Variants in ATRNL1 observed in about 807,000 individuals in gnomAD.
The protein encoded by ATRNL1 is attractin like 1, also known as attractin-like protein 1.
In ATRNL1, 95 loss-of-function variants were observed where a neutral mutation model predicts 182.7. The observed-to-expected ratio is 0.52, with a 90% CI of 0.44 to 0.62. ATRNL1 has a LOEUF of 0.62. Ranked by LOEUF, ATRNL1 falls within the 20% of genes least tolerant of loss-of-function variation. The pLI is 0.00. For synonymous variants in ATRNL1, 576 were observed against 568.3 expected (o/e 1.01, Z -0.19); for missense variants, 1,471 against 1,679.5 (o/e 0.88, Z 2.17).
intron 8 of ATRNL1, among the ~76,000 whole-genome samples, chr10:115,213,647 C>G (rs903176687): frequency 1.3e-5 from 2 of 150,648 alleles, no homozygotes; most frequent in Non-Finnish European, 2.9e-5. Context: ...AAAAATCAGT[C>G]TACACTATCT....
chr10:115,786,037 G>T (rs782456317), intron 27 of ATRNL1, among the ~76,000 whole-genome samples: 27 of 152,110 alleles, frequency 1.8e-4, no homozygotes, highest in Non-Finnish European at 3.5e-4. Flanking sequence ...TTCTGTTCAT[G>T]ACAATTTATA....
At chr10:115,486,502 G>A (rs1199550712) in intron 24 of ATRNL1, among the ~76,000 whole-genome samples, 1 of 152,156 alleles carries the variant, frequency 6.6e-6, no homozygotes, top group African/African-American at 2.4e-5. Flanking sequence ...CACCGGTGAT[G>A]ATGAGCTTTT....
rs782330870 is a variant in ATRNL1 at position 115,553,415 on chromosome 10, GTTTT to G, written c.3795+3883_3795+3886del. Among the ~76,000 whole-genome samples the G allele has an allele frequency of 2.6e-5, 4 of 151,256 alleles. No homozygotes were observed. The East Asian group carries it at 5.8e-4, about 22-fold the overall frequency. ...CATTTTTAATTCTTGTAAATTTACA[GTTTT>G]TTTAAGTTTAAAAATATTTTAATGT... On this transcript the variant is annotated intron_variant, in intron 26 of 28. Coordinates refer to ENST00000355044, the MANE Select transcript of ATRNL1 (RefSeq NM_207303.4).
chr10:115,184,540 A>G (rs1441216798), intron 8 of ATRNL1, among the ~76,000 whole-genome samples: 2 of 151,736 alleles, frequency 1.3e-5, no homozygotes, highest in African/African-American at 4.8e-5. Flanking sequence ...AGCAAAAATG[A>G]ACACAGGAAA....
intron 19 of ATRNL1, among the ~76,000 whole-genome samples, chr10:115,393,685 ATTG>A (rs1359358826): frequency 6.6e-6 from 1 of 152,150 alleles, no homozygotes; most frequent in African/African-American, 2.4e-5. Flanking sequence ...ATGTGATTAT[ATTG>A]TTGTCAGTAA....
chr10:115,846,488 A>C (rs1407691647), intron 27 of ATRNL1, among the ~76,000 whole-genome samples: 1 of 152,102 alleles, frequency 6.6e-6, no homozygotes, highest in African/African-American at 2.4e-5. Context: ...TCAGTGAAAA[A>C]AACCTGAACA....
At chr10:115,943,106 C>T (rs1953777070) in intron 28 of ATRNL1, among the ~76,000 whole-genome samples, 1 of 152,208 alleles carries the variant, frequency 6.6e-6, no homozygotes, top group South Asian at 2.1e-4. Context: ...AGGTCCTTTT[C>T]TAGTACTTAA....
At chr10:115,489,191 T>C (rs1554975895) in intron 24 of ATRNL1, among the ~76,000 whole-genome samples, 1 of 152,224 alleles carries the variant, frequency 6.6e-6, no homozygotes, top group Non-Finnish European at 1.5e-5. Flanking sequence ...CTGAGAAGAA[T>C]GTATATTCTG....
intron 28 of ATRNL1, among the ~76,000 whole-genome samples, chr10:115,935,471 T>C (rs184346530): frequency 7.5e-4 from 114 of 152,318 alleles, no homozygotes; most frequent in Middle Eastern, 6.8e-3. Context: ...TTTTTCTTTT[T>C]CTTCTGGTTC....
chr10:115,205,430 C>T lies in ATRNL1; in HGVS notation c.1349-10267C>T, dbSNP rs1270236108. Among the ~76,000 whole-genome samples the T allele has an allele frequency of 4.0e-5, 6 of 151,692 alleles. No individual in the cohort carries two copies. In the East Asian group the frequency reaches 5.8e-4, roughly 15 times the overall value. ...TTCTATTAGTTTCTTTTTCCTCTTA[C>T]GATTTCATTTTTTCTCCATTATTAA... On this transcript the variant is annotated intron_variant, in intron 8 of 28. Coordinates refer to ENST00000355044, the MANE Select transcript of ATRNL1 (RefSeq NM_207303.4).
chr10:115,833,515 G>T (rs1470697166), intron 27 of ATRNL1, among the ~76,000 whole-genome samples: 1 of 152,142 alleles, frequency 6.6e-6, no homozygotes, highest in Non-Finnish European at 1.5e-5. Context: ...ATTATAGTAA[G>T]AGTGTATGCT....
intron 1 of ATRNL1, among the ~76,000 whole-genome samples, chr10:115,099,395 G>A (rs2085103267): frequency 6.6e-6 from 1 of 152,216 alleles, no homozygotes; most frequent in African/African-American, 2.4e-5. Flanking sequence ...GAAGTTTCAT[G>A]TGGAAGCCTT....
intron 24 of ATRNL1, among the ~76,000 whole-genome samples, chr10:115,485,359 C>G (rs1314845469): frequency 9.2e-5 from 14 of 151,750 alleles, no homozygotes; most frequent in Admixed American, 3.3e-4. Flanking sequence ...TTATTTATTT[C>G]TAATTAACAG....
At chr10:115,465,700 C>G (rs1848021397) in intron 22 of ATRNL1, among the ~76,000 whole-genome samples, 1 of 151,412 alleles carries the variant, frequency 6.6e-6, no homozygotes, top group Non-Finnish European at 1.5e-5. Flanking sequence ...CTGATTTACT[C>G]TATGTATTTA....
intron 28 of ATRNL1, among the ~76,000 whole-genome samples, chr10:115,926,182 C>A (rs1953225287): frequency 6.6e-6 from 1 of 152,132 alleles, no homozygotes; most frequent in Admixed American, 6.5e-5. Flanking sequence ...GAAATTAAGG[C>A]AGAAATCAAG....
At chr10:115,524,468 T>G (rs1277535872) in intron 25 of ATRNL1, among the ~76,000 whole-genome samples, 4 of 152,250 alleles carry the variant, frequency 2.6e-5, no homozygotes, top group African/African-American at 9.6e-5. Context: ...AAAGTCTGAA[T>G]TATTTATTTT....
chr10:115,933,146 G>A (rs1323292008), intron 28 of ATRNL1, among the ~76,000 whole-genome samples: 1 of 152,196 alleles, frequency 6.6e-6, no homozygotes, highest in Non-Finnish European at 1.5e-5. Context: ...AATTAGAAAA[G>A]TAAATTTTAA....
chr10:115,420,295 C>T (rs111520512), intron 20 of ATRNL1, among the ~76,000 whole-genome samples: 45,508 of 151,872 alleles, frequency 0.3, 8,316 homozygotes, highest in Middle Eastern at 0.45. Context: ...CCACCTGCCT[C>T]GGCCTCCCAA....
chr10:115,732,721 G>A (rs1947835956), intron 27 of ATRNL1, among the ~76,000 whole-genome samples: 1 of 151,916 alleles, frequency 6.6e-6, no homozygotes, highest in African/African-American at 2.4e-5. Flanking sequence ...TTGGCCTAAG[G>A]GTTTCTTTCC....
Sources: gnomAD v4.1 joint callset for allele counts (sites outside exome capture counted in the v4.1 genomes callset) on GRCh38, gnomAD v4.1.1 for gene constraint, MANE v1.5 for transcripts, NCBI Gene and HGNC (gene_info 2026-07-23, HGNC 2026-07-21) for gene names.